ZFYVE21: variants seen among roughly 807,000 people sequenced by gnomAD.
The protein encoded by ZFYVE21 is zinc finger FYVE domain-containing protein 21.
ZFYVE21 carries 21 observed loss-of-function variants against 29.5 expected under a neutral mutation model. That is an observed-to-expected ratio of 0.71 (90% CI 0.50 to 1.02). The LOEUF is 1.02. Ranked by LOEUF, ZFYVE21 falls within the 50% of genes least tolerant of loss-of-function variation. The pLI is 0.00. For missense variants in ZFYVE21, 326 were observed against 335.4 expected (o/e 0.97, Z 0.22); for synonymous variants, 151 against 133.8 (o/e 1.13, Z -0.89).
chr14:103,717,916 C>T (rs145358657), intron 1 of ZFYVE21, among the ~76,000 whole-genome samples: 28 of 152,302 alleles, frequency 1.8e-4, no homozygotes, highest in Admixed American at 4.6e-4. Context: ...GAACTTAGAA[C>T]GGGGCAGTAA....
Position 103,721,959 on chromosome 14 carries a change from T to C in ZFYVE21, c.139-4833T>C, listed in dbSNP as rs1052735608. On this transcript the variant is annotated intron_variant, in intron 1 of 6. Coordinates refer to ENST00000311141, the MANE Select transcript of ZFYVE21 (RefSeq NM_024071.4). ...GCTGGCCACCTACGGTGAAAACGGA[T>C]GAATCACACTTGGTTTCTGGGCTTT... Among the ~76,000 whole-genome samples, 7 of 152,246 alleles carry C rather than the reference T, an allele frequency of 4.6e-5. No individual in the cohort carries two copies. The South Asian group carries it at 1.0e-3, about 22-fold the overall frequency.
At chr14:103,724,598 T>G (rs1275963380) in intron 1 of ZFYVE21, 1 of 152,206 alleles carries the variant, frequency 6.6e-6, no homozygotes, top group Admixed American at 6.5e-5. Flanking sequence ...GGAGCGAAGG[T>G]CTTCTCTTAC....
In ZFYVE21 at chr14:103,733,081, G is replaced by A. The variant is rs2084002013; in HGVS notation, c.*63G>A. On this transcript the variant is annotated 3_prime_UTR_variant, in exon 7 of 7. Coordinates refer to ENST00000311141, the MANE Select transcript of ZFYVE21 (RefSeq NM_024071.4). Reference sequence around the variant, plus strand: ...CAGGACTGAGTCGCTTGGAACAGCAGAGCCTGCTCCTTGCGTACCACAGGG... The same window carrying A: ...CAGGACTGAGTCGCTTGGAACAGCAAAGCCTGCTCCTTGCGTACCACAGGG... The A allele has an allele frequency of 2.5e-6, 4 of 1,600,522 alleles. No homozygotes were observed. Among genetic ancestry groups the A allele is most frequent in the African/African-American group, 2.7e-5 (2 of 74,776 alleles).
intron 1 of ZFYVE21, among the ~76,000 whole-genome samples, chr14:103,719,931 G>T (rs11848956): frequency 0.011 from 1,601 of 152,252 alleles, 33 homozygotes; most frequent in African/African-American, 0.036. Flanking sequence ...ATTCCTGGGC[G>T]TCCTGTGGGA....
intron 2 of ZFYVE21, 106 bp downstream of exon 2, chr14:103,726,948 G>GTTTTTT (rs572377392): frequency 3.0e-6 from 2 of 661,582 alleles, no homozygotes; most frequent in Admixed American, 3.9e-5. Flanking sequence ...CTTATGGCTC[G>GTTTTTT]TTTTTTTTTT....
chr14:103,715,926 G>A lies in ZFYVE21; in HGVS notation c.85G>A (p.Ala29Thr). ...CCTGCGCATGGTGCCCGAACACCGC[G>A]CCTTCGGAAGCCCGTTCGGCCTGGA... Reference protein sequence around the residue: ...SGLRMVPEHRAFGSPFGLEEP... With the variant: ...SGLRMVPEHRTFGSPFGLEEP... The change falls in exon 1 of 7, where the codon GCC becomes ACC. Residue 29 changes from alanine (A) to threonine (T), a missense_variant. By Grantham distance (58) the Ala-to-Thr change is moderately conservative (BLOSUM62 0). Coordinates refer to ENST00000311141, the MANE Select transcript of ZFYVE21 (RefSeq NM_024071.4). The A allele has an allele frequency of 7.0e-7, 1 of 1,430,664 alleles. No individual in the cohort carries two copies. The highest frequency in any genetic ancestry group is 9.2e-7 in the Non-Finnish European group (1 of 1,083,138). The allele number at this position is 1,430,664 out of a possible 1,614,324, so 88.6% of individuals were successfully genotyped here.
intron 1 of ZFYVE21, among the ~76,000 whole-genome samples, chr14:103,721,867 C>A (rs2083875299): frequency 6.6e-6 from 1 of 152,252 alleles, no homozygotes; most frequent in Non-Finnish European, 1.5e-5. Flanking sequence ...AAAGTCTGCT[C>A]CAGCCCACGC....
Position 103,716,157 on chromosome 14 carries a change from C to G in ZFYVE21, c.138+178C>G, listed in dbSNP as rs948141300. Among the ~76,000 whole-genome samples the G allele has an allele frequency of 1.3e-5, 2 of 151,726 alleles. No individual in the cohort carries two copies. The highest frequency in any genetic ancestry group is 4.8e-5 in the African/African-American group (2 of 41,472). On this transcript the variant is annotated intron_variant, in intron 1 of 6. Coordinates refer to ENST00000311141, the MANE Select transcript of ZFYVE21 (RefSeq NM_024071.4). This position sits in a 1 kb window ranked among gnomAD's most constrained non-coding sequence, Gnocchi z 4.8. ...GTCCCCGGGCCGCCGCCTCAGGCTC[C>G]TACGCCCGCGGGGAGGGCGGGAGGC... is the stretch of plus-strand genomic sequence containing the variant.
intron 3 of ZFYVE21, 147 bp from the exon 4 acceptor site, chr14:103,728,760 CT>C: frequency 1.3e-6 from 1 of 742,652 alleles, no homozygotes; most frequent in Non-Finnish European, 2.2e-6. Flanking sequence ...TTTTGCTCAG[CT>C]GAAGGGGTCC....
chr14:103,726,875 AAG>A, intron 2 of ZFYVE21, 33 bp downstream of exon 2: 1 of 1,612,038 alleles, frequency 6.2e-7, no homozygotes, highest in Middle Eastern at 1.7e-4. Flanking sequence ...GGGTGGTGGG[AAG>A]AGGGGAGGGG....
chr14:103,715,824 A>G lies in ZFYVE21; in HGVS notation c.-18A>G. 6 of 1,367,988 alleles carry G rather than the reference A, an allele frequency of 4.4e-6. No individual in the cohort carries two copies. Among genetic ancestry groups the G allele is most frequent in the Non-Finnish European group, 5.7e-6 (6 of 1,052,868 alleles). The allele number at this position is 1,367,988 out of a possible 1,614,324, so 84.7% of individuals were successfully genotyped here. A position where few individuals can be genotyped will look rare whatever the true frequency, so the allele number is the denominator to read the frequency against. On this transcript the variant is annotated 5_prime_UTR_variant, in exon 1 of 7. Transcript: ENST00000311141. ...GGGCCGGGTGCGGGGCCGCTGGCCG[A>G]GAGGCTGAGGCGGCGTCATGTCCTC... is the stretch of plus-strand genomic sequence containing the variant.
Position 103,733,126 on chromosome 14 carries a change from G to A in ZFYVE21, c.*108G>A. ...ACAGGGATTAATCCTGCTTGTGCTG[G>A]GAAATGCAACTCACTCATGTATTTG... is the stretch of plus-strand genomic sequence containing the variant. On this transcript the variant is annotated 3_prime_UTR_variant, in exon 7 of 7. Transcript: ENST00000311141. The A allele has an allele frequency of 6.9e-7, 1 of 1,452,260 alleles. No homozygotes were observed. The allele number at this position is 1,452,260 out of a possible 1,614,324, so 90.0% of individuals were successfully genotyped here. A position where few individuals can be genotyped will look rare whatever the true frequency, so the allele number is the denominator to read the frequency against.
chr14:103,730,836 C>T (rs2083967004), intron 5 of ZFYVE21: 1 of 152,482 alleles, frequency 6.6e-6, no homozygotes, highest in African/African-American at 2.4e-5. Flanking sequence ...CTGCAGAAGA[C>T]AGGGTGACAG....
intron 1 of ZFYVE21, among the ~76,000 whole-genome samples, chr14:103,723,861 G>A (rs1165620225): frequency 3.3e-5 from 5 of 152,246 alleles, no homozygotes; most frequent in Admixed American, 3.3e-4. Context: ...TGCTGCCTGT[G>A]TGGGTCCCGC....
Position 103,732,525 on chromosome 14 carries a change from A to G in ZFYVE21, c.527-95A>G, listed in dbSNP as rs1197092558. On this transcript the variant is annotated intron_variant, in intron 5 of 6. Transcript: ENST00000311141. ...TGCCAGGCTACTCTTGGAGCAGCAC[A>G]AGGTTAGGATGTGCTGGCCACCGCC... 10 of 1,431,176 alleles carry G rather than the reference A, an allele frequency of 7.0e-6. No homozygotes were observed. In the South Asian group the frequency reaches 1.5e-4, roughly 21 times the overall value. 88.7% of individuals were successfully genotyped at this position (1,431,176 alleles called of 1,614,324 possible).
In ZFYVE21 at chr14:103,716,123, G is replaced by T; in HGVS notation, c.138+144G>T. ...GGCCCCCGCCCCCGCTCTCTCCCAGGTTGGCCGCGTCCCCGGGCCGCCGCC... is the reference window on the plus strand; with the variant it reads ...GGCCCCCGCCCCCGCTCTCTCCCAGTTTGGCCGCGTCCCCGGGCCGCCGCC... On this transcript the variant is annotated intron_variant, in intron 1 of 6. Transcript: ENST00000311141. The surrounding 1 kb of genome is among the most constrained non-coding windows in gnomAD (Gnocchi z 4.8). 1 of 861,672 alleles carries T rather than the reference G, an allele frequency of 1.2e-6. No individual in the cohort carries two copies. The highest frequency in any genetic ancestry group is 1.5e-6 in the Non-Finnish European group (1 of 684,116). The allele number at this position is 861,672 out of a possible 1,614,324, so 53.4% of individuals were successfully genotyped here. A position where few individuals can be genotyped will look rare whatever the true frequency, so the allele number is the denominator to read the frequency against.
chr14:103,717,077 T>G (rs1436244734), intron 1 of ZFYVE21, among the ~76,000 whole-genome samples: 3 of 152,000 alleles, frequency 2.0e-5, no homozygotes, highest in Non-Finnish European at 4.4e-5. Context: ...GGAGGCCTGG[T>G]GGGGGGTGAG....
intron 2 of ZFYVE21, chr14:103,727,236 A>G (rs960875912): frequency 1.1e-5 from 4 of 351,288 alleles, no homozygotes; most frequent in South Asian, 2.2e-5. Flanking sequence ...GTGAGCCACC[A>G]CACCCAGCCG....
chr14:103,732,565 C>T (rs912948151), intron 5 of ZFYVE21, 55 bp from the exon 6 acceptor site: 44 of 1,507,898 alleles, frequency 2.9e-5, no homozygotes, highest in East Asian at 4.7e-5. Context: ...GGCTGGTGGC[C>T]GCCTGGGCAC....
Sources: allele counts gnomAD v4.1 joint callset (sites outside exome capture counted in the v4.1 genomes callset), GRCh38; gene constraint gnomAD v4.1.1; non-coding constraint Gnocchi (gnomAD v3.1); transcripts MANE v1.5; gene names NCBI Gene and HGNC (gene_info 2026-07-23, HGNC 2026-07-21).